The following NEMF variants were observed in gnomAD, a reference collection of about 807,000 sequenced individuals.
The protein encoded by NEMF is nuclear export mediator factor, also known as ribosome quality control complex subunit NEMF.
A neutral mutation model predicts 162.2 loss-of-function variants in NEMF; 89 were observed. That is an observed-to-expected ratio of 0.55 (90% confidence interval 0.46 to 0.65). The LOEUF is 0.65. NEMF is among the 30% of genes least tolerant of loss of function. The pLI, the probability that NEMF is intolerant of heterozygous loss-of-function variation, is 0.00. For missense variants in NEMF, 1,133 were observed against 1,261.9 expected, an observed-to-expected ratio of 0.90 and a Z score of 1.55; for synonymous variants, 421 against 404.5, an observed-to-expected ratio of 1.04 and a Z score of -0.49.
intron 3 of NEMF, chr14:49,849,714 T>C (rs1197135938): frequency 2.0e-5 from 3 of 152,192 alleles, no homozygotes; most frequent in East Asian, 1.9e-4. Flanking sequence ...AAAACTGAAA[T>C]TGTATTTGTT....
chr14:49,788,216 TTGCAGTGAGC>T (rs1391606217), intron 28 of NEMF, among the ~76,000 whole-genome samples: 3 of 134,872 alleles, frequency 2.2e-5, no homozygotes, highest in African/African-American at 8.5e-5. Flanking sequence ...GAGGTGGAGG[TTGCAGTGAGC>T]TGAGATTGTG....
intron 28 of NEMF, among the ~76,000 whole-genome samples, chr14:49,788,296 A>AAAAAT (rs1555344509): frequency 2.0e-4 from 30 of 150,722 alleles, no homozygotes; most frequent in African/African-American, 7.3e-4. Flanking sequence ...AAAAAAAAAA[A>AAAAAT]TTCAAGAAGA....
rs181735706 is a variant in NEMF at position 49,813,883 on chromosome 14, C to T, written c.1744+105G>A. On this transcript the variant is annotated intron_variant, in intron 18 of 32. Transcript: ENST00000298310. ...CTTCCCAAAGTGCTGGGATTACAGG[C>T]ATGAGCCACCACATCTGGCCCTCTA... 10 of 695,500 alleles carry T rather than the reference C, an allele frequency of 1.4e-5. No homozygotes were observed. The East Asian group carries it at 2.8e-4, about 20-fold the overall frequency. The allele number at this position is 695,500 out of a possible 1,614,324, so 43.1% of individuals were successfully genotyped here. A position where few individuals can be genotyped will look rare whatever the true frequency, so the allele number is the denominator to read the frequency against.
chr14:49,796,015 T>C, intron 25 of NEMF, 71 bp from the exon 26 acceptor site: 6 of 1,188,922 alleles, frequency 5.0e-6, no homozygotes, highest in South Asian at 1.4e-5. Context: ...AAAAGTTCCA[T>C]GGGGAAGGCA....
chr14:49,796,416 T>C, intron 25 of NEMF: 1 of 399,684 alleles, frequency 2.5e-6, no homozygotes, highest in Non-Finnish European at 5.0e-6. Flanking sequence ...TGCCAACGTC[T>C]TAGTTCAGGT....
intron 18 of NEMF, among the ~76,000 whole-genome samples, chr14:49,807,930 T>C (rs1358927094): frequency 6.6e-6 from 1 of 151,964 alleles, no homozygotes; most frequent in Non-Finnish European, 1.5e-5. Context: ...GATTTAAATT[T>C]TCCTAATAAC....
In NEMF at chr14:49,783,151, TATTAAAGTAA is replaced by T. The variant is rs1889991933; in HGVS notation, c.*1475_*1484del. The T allele has an allele frequency of 2.4e-6, 1 of 410,734 alleles. No individual in the cohort carries two copies. Among genetic ancestry groups the T allele is most frequent in the South Asian group, 6.9e-5 (1 of 14,492 alleles). 25.4% of individuals were successfully genotyped at this position (410,734 alleles called of 1,614,324 possible). On this transcript the variant is annotated 3_prime_UTR_variant, in exon 33 of 33. Coordinates refer to ENST00000298310, the MANE Select transcript of NEMF (RefSeq NM_004713.6). ...GTATTTAACACCAGTAGCTGTCCTC[TATTAAAGTAA>T]AGTAATGGTTGGGCTTTTTACCCTG...
intron 22 of NEMF, chr14:49,801,389 G>C (rs1428279380): frequency 6.6e-6 from 1 of 152,144 alleles, no homozygotes; most frequent in Non-Finnish European, 1.5e-5. Context: ...TCGGGAGGCT[G>C]AGGCAGAAGA....
Position 49,851,674 on chromosome 14 carries a change from G to T in NEMF, c.129-9C>A, listed in dbSNP as rs1216031051. The T allele has an allele frequency of 6.2e-7, 1 of 1,608,556 alleles. No individual in the cohort carries two copies. The highest frequency in any genetic ancestry group is 1.3e-5 in the African/African-American group (1 of 74,754). On this transcript the variant is annotated splice_polypyrimidine_tract_variant and intron_variant, in intron 2 of 32. Transcript: ENST00000298310. ...TAGCTTTAAAGTCCGGTCTGTAGAA[G>T]AAAAAAGTCGAATTTTTCTTTAGGG...
At chr14:49,797,034 C>T (rs188945701) in intron 25 of NEMF, among the ~76,000 whole-genome samples, 1 of 152,340 alleles carries the variant, frequency 6.6e-6, no homozygotes, top group African/African-American at 2.4e-5. Context: ...CTTTCAGACA[C>T]TATTTACATA....
chr14:49,802,372 G>T, intron 22 of NEMF, 81 bp downstream of exon 22: 1 of 1,443,746 alleles, frequency 6.9e-7, no homozygotes, highest in Non-Finnish European at 9.5e-7. Context: ...ATCCCAAAGA[G>T]ACATGATCTT....
chr14:49,845,127 C>T (rs2140022742), intron 4 of NEMF, among the ~76,000 whole-genome samples: 1 of 150,368 alleles, frequency 6.7e-6, no homozygotes, highest in East Asian at 2.0e-4. Flanking sequence ...AAGTCTTGCT[C>T]CGTTGCCCAG....
Position 49,798,921 on chromosome 14 carries a change from T to G in NEMF, c.2465+554A>C, listed in dbSNP as rs957819629. On this transcript the variant is annotated intron_variant, in intron 25 of 32. Transcript: ENST00000298310. ...GACTCCATCTCAAAAAAAAAGAAAA[T>G]GTTAAGTGAAGGCCGGGCACAATGG... Among the ~76,000 whole-genome samples, 11 of 140,524 alleles carry G rather than the reference T, an allele frequency of 7.8e-5. 1 individual carries two copies. Among genetic ancestry groups the G allele is most frequent in the African/African-American group, 2.9e-4 (11 of 37,532 alleles). The allele number at this position is 140,524 out of a possible 152,430, so 92.2% of individuals were successfully genotyped here.
At chr14:49,830,228 G>T (rs996573220) in intron 11 of NEMF, among the ~76,000 whole-genome samples, 1 of 152,034 alleles carries the variant, frequency 6.6e-6, no homozygotes, top group African/African-American at 2.4e-5. Context: ...CTAGTATTTT[G>T]ACACCCATGA....
chr14:49,804,157 A>C (rs1021098730), intron 19 of NEMF, among the ~76,000 whole-genome samples: 1 of 151,022 alleles, frequency 6.6e-6, no homozygotes, highest in Non-Finnish European at 1.5e-5. Context: ...GGTGCGCACC[A>C]CCACGCCCGG....
chr14:49,802,838 T>A (rs1045774290), intron 20 of NEMF, 111 bp from the exon 21 acceptor site: 13 of 735,212 alleles, frequency 1.8e-5, no homozygotes, highest in Non-Finnish European at 2.5e-5. Context: ...ATCCATTTTG[T>A]CTTTTACTAT....
At chr14:49,821,561 C>A (rs1892046288) in intron 16 of NEMF, among the ~76,000 whole-genome samples, 1 of 85,472 alleles carries the variant, frequency 1.2e-5, no homozygotes, top group Non-Finnish European at 2.4e-5. Context: ...CTCTGCCCGG[C>A]CAGCCGCCCC....
At chr14:49,811,442 A>C (rs1419733506) in intron 18 of NEMF, among the ~76,000 whole-genome samples, 2 of 151,670 alleles carry the variant, frequency 1.3e-5, no homozygotes, top group South Asian at 2.1e-4. Flanking sequence ...TTTTCTTTTT[A>C]TTGCCTAATG....
At chr14:49,817,662 A>G (rs1178484449) in intron 16 of NEMF, among the ~76,000 whole-genome samples, 1 of 152,202 alleles carries the variant, frequency 6.6e-6, no homozygotes, top group Non-Finnish European at 1.5e-5. Context: ...AACTGGCAGA[A>G]GTAAAAGGAG....
Sources: gnomAD v4.1 joint callset for allele counts (sites outside exome capture counted in the v4.1 genomes callset) on GRCh38, gnomAD v4.1.1 for gene constraint, MANE v1.5 for transcripts, NCBI Gene and HGNC (gene_info 2026-07-23, HGNC 2026-07-21) for gene names.